Variants in NDUFS5 observed in about 807,000 individuals in gnomAD.
The protein encoded by NDUFS5 is NADH:ubiquinone oxidoreductase subunit S5.
NDUFS5 carries 7 observed loss-of-function variants against 10.5 expected under a neutral mutation model. The ratio of observed to expected loss-of-function variants is 0.66; its 90% CI spans 0.38 to 1.25. The LOEUF is 1.25. Ranked by LOEUF, NDUFS5 falls within the 50% of genes most tolerant of loss-of-function variation. The probability of loss-of-function intolerance (pLI) is 0.02; values close to 1 mark genes in which losing one functional copy is unlikely to be tolerated. For missense variants in NDUFS5, 148 were observed against 140.7 expected (o/e 1.05, Z -0.26); for synonymous variants, 38 against 44.0 (o/e 0.86, Z 0.54).
At chr1:39,028,604 TCAAA>T (rs1481170107) in intron 1 of NDUFS5, 115 bp from the exon 2 acceptor site, 2 of 893,828 alleles carry the variant, frequency 2.2e-6, no homozygotes, top group Non-Finnish European at 3.6e-6. Context: ...GAGAATAATA[TCAAA>T]CAGTGTTCTA....
Position 39,034,424 on chromosome 1 carries a change from G to C in NDUFS5, c.249G>C (p.Arg83=). ...GTGCAGGTACCATCAGGAAGCAGCG[G>C]GATAAGCTGATAAAGGAAGGAAAGT... The part of the protein sequence containing the change: ...MRRAGTIRKQ[R]DKLIKEGKYT... Residue 83 remains arginine (R), a synonymous_variant, in exon 3 of 3, where the codon CGG becomes CGC. Coordinates refer to ENST00000372969, the MANE Select transcript of NDUFS5 (RefSeq NM_004552.3). 1 of 1,613,524 alleles carries C rather than the reference G, an allele frequency of 6.2e-7. No individual in the cohort carries two copies. Among genetic ancestry groups the C allele is most frequent in the Non-Finnish European group, 8.5e-7 (1 of 1,179,678 alleles).
At chr1:39,030,118 A>T (rs1400775732) in intron 2 of NDUFS5, among the ~76,000 whole-genome samples, 10 of 150,574 alleles carry the variant, frequency 6.6e-5, no homozygotes, top group African/African-American at 1.7e-4. Context: ...AAACAAATTT[A>T]AAAAAATCCC....
intron 2 of NDUFS5, among the ~76,000 whole-genome samples, chr1:39,031,338 T>C (rs1415388429): frequency 6.6e-6 from 1 of 151,860 alleles, no homozygotes; most frequent in African/African-American, 2.4e-5. Context: ...AGACAGGGTC[T>C]TGTTCTGTCA....
rs774633528 is a variant in NDUFS5 at position 39,034,405 on chromosome 1, G to A, written c.230G>A (p.Gly77Asp). ...TTCCTTTGACAGATGAGACGTGCAG[G>A]TACCATCAGGAAGCAGCGGGATAAG... ...LLRQKTMRRA[G>D]TIRKQRDKLI... Residue 77 changes from glycine (G) to aspartate (D), a missense_variant, in exon 3 of 3, where the codon GGT (glycine) becomes GAT (aspartate). By Grantham distance (94) the Gly-to-Asp change is moderately conservative. Coordinates refer to ENST00000372969, the MANE Select transcript of NDUFS5 (RefSeq NM_004552.3). The A allele has an allele frequency of 6.2e-7, 1 of 1,613,196 alleles. No individual in the cohort carries two copies. Among genetic ancestry groups the A allele is most frequent in the Non-Finnish European group, 8.5e-7 (1 of 1,179,446 alleles).
chr1:39,030,967 T>TAA (rs1557652290), intron 2 of NDUFS5, among the ~76,000 whole-genome samples: 1 of 151,700 alleles, frequency 6.6e-6, no homozygotes, highest in African/African-American at 2.4e-5. Context: ...CAACTTGGGT[T>TAA]CAGGTGATTC....
chr1:39,027,260 G>A (rs911014676), intron 1 of NDUFS5, among the ~76,000 whole-genome samples: 1 of 152,018 alleles, frequency 6.6e-6, no homozygotes, highest in Non-Finnish European at 1.5e-5. Context: ...TTAGTAGAGA[G>A]AGGGTTTCGC....
At chr1:39,028,213 CCT>C in intron 1 of NDUFS5, among the ~76,000 whole-genome samples, 1 of 149,722 alleles carries the variant, frequency 6.7e-6, no homozygotes, top group Non-Finnish European at 1.5e-5. Context: ...GGGCGGATCA[CCT>C]GAGGTCAGGA....
At position 39,028,916 on chromosome 1, in the gene NDUFS5, A is replaced by G; in HGVS notation, c.192A>G (p.Val64=). The G allele has an allele frequency of 1.9e-6, 3 of 1,613,628 alleles. No individual in the cohort carries two copies. The highest frequency in any genetic ancestry group is 2.5e-6 in the Non-Finnish European group (3 of 1,179,776). ...KECKIEYDDF[V]ECLLRQKTMR... ...GCAAGATAGAATATGATGATTTCGT[A>G]GAGTGTTTGCTTCGGCAGAAAACGG... Residue 64 remains valine, a synonymous_variant, in exon 2 of 3, where the codon GTA becomes GTG. Transcript: ENST00000372969.
chr1:39,034,266 A>C (rs1644213029), intron 2 of NDUFS5, 126 bp from the exon 3 acceptor site: 1 of 784,664 alleles, frequency 1.3e-6, no homozygotes, highest in East Asian at 2.9e-5. Context: ...ACTTCATTTC[A>C]GAGGCCCCGT....
At chr1:39,033,649 G>C (rs1404605680) in intron 2 of NDUFS5, among the ~76,000 whole-genome samples, 2 of 148,428 alleles carry the variant, frequency 1.3e-5, no homozygotes, top group Admixed American at 6.7e-5. Context: ...CCACAGGCGC[G>C]CGCCACCACG....
At chr1:39,032,652 A>G (rs138833112) in intron 2 of NDUFS5, among the ~76,000 whole-genome samples, 1 of 152,188 alleles carries the variant, frequency 6.6e-6, no homozygotes, top group Non-Finnish European at 1.5e-5. Context: ...TGGGAGGAAG[A>G]GCAGAAAAAT....
intron 2 of NDUFS5, among the ~76,000 whole-genome samples, chr1:39,030,216 C>T (rs1644180271): frequency 6.6e-6 from 1 of 151,628 alleles, no homozygotes; most frequent in Non-Finnish European, 1.5e-5. Context: ...ACCAGCCTGG[C>T]CAACATGGTG....
chr1:39,033,870 G>A (rs1644210209), intron 2 of NDUFS5, among the ~76,000 whole-genome samples: 1 of 135,522 alleles, frequency 7.4e-6, no homozygotes, highest in Admixed American at 7.6e-5. Flanking sequence ...GTTCAATCTT[G>A]GCTCACTGCA....
chr1:39,028,342 G>A (rs1213439204), intron 1 of NDUFS5, among the ~76,000 whole-genome samples: 1 of 151,984 alleles, frequency 6.6e-6, no homozygotes, highest in East Asian at 2.0e-4. Flanking sequence ...TGAGGCAGGA[G>A]AATCGCTTGA....
At chr1:39,027,410 T>A (rs1271395525) in intron 1 of NDUFS5, among the ~76,000 whole-genome samples, 2 of 152,074 alleles carry the variant, frequency 1.3e-5, no homozygotes, top group East Asian at 3.9e-4. Flanking sequence ...CACATTTATA[T>A]TGATATTTGT....
At chr1:39,027,512 A>C (rs1180635783) in intron 1 of NDUFS5, among the ~76,000 whole-genome samples, 2 of 149,372 alleles carry the variant, frequency 1.3e-5, no homozygotes, top group Admixed American at 6.7e-5. Flanking sequence ...ATGTATTTGC[A>C]TGTAAATTTT....
chr1:39,028,051 C>T (rs1644164290), intron 1 of NDUFS5, among the ~76,000 whole-genome samples: 1 of 146,194 alleles, frequency 6.8e-6, no homozygotes. Context: ...AACTCCTGAC[C>T]TCAGGTAATC....
At chr1:39,028,996 T>C in intron 2 of NDUFS5, 56 bp downstream of exon 2, 2 of 1,083,854 alleles carry the variant, frequency 1.8e-6, no homozygotes, top group South Asian at 4.2e-5. Flanking sequence ...TTGGGACTCT[T>C]TTTTTTTTTT....
intron 2 of NDUFS5, among the ~76,000 whole-genome samples, chr1:39,030,271 G>T (rs1218477121): frequency 6.6e-6 from 1 of 151,556 alleles, no homozygotes; most frequent in Non-Finnish European, 1.5e-5. Context: ...TAGGCATGGT[G>T]ACAGGGGCAT....
Sources: allele counts gnomAD v4.1 joint callset (sites outside exome capture counted in the v4.1 genomes callset), GRCh38; gene constraint gnomAD v4.1.1; transcripts MANE v1.5; gene names NCBI Gene and HGNC (gene_info 2026-07-23, HGNC 2026-07-21).